Variants in GMDS observed in about 807,000 individuals in gnomAD.
GMDS encodes GDP-mannose 4,6 dehydratase.
GMDS carries 20 observed loss-of-function variants against 49.9 expected under a neutral mutation model. The ratio of observed to expected loss-of-function variants is 0.40; its 90% CI spans 0.28 to 0.58. GMDS has a LOEUF of 0.58. Among genes scored for constraint, GMDS ranks in the 20% least tolerant of loss-of-function variants. The pLI is 0.42. For synonymous variants in GMDS, 177 were observed against 178.6 expected (o/e 0.99, Z 0.07); for missense variants, 362 against 481.4 (o/e 0.75, Z 2.32).
chr6:1,941,600 A>G (rs1762827370), intron 6 of GMDS, among the ~76,000 whole-genome samples: 1 of 152,204 alleles, frequency 6.6e-6, no homozygotes, highest in African/African-American at 2.4e-5. Flanking sequence ...GACAAGGAGC[A>G]CAAACAGCTT....
intron 1 of GMDS, among the ~76,000 whole-genome samples, chr6:2,185,562 A>C (rs1339416303): frequency 6.6e-6 from 1 of 152,128 alleles, no homozygotes; most frequent in Non-Finnish European, 1.5e-5. Context: ...CAGCCATTTT[A>C]CTCATTTTCC....
chr6:2,101,495 A>G (rs1442952940), intron 4 of GMDS, among the ~76,000 whole-genome samples: 1 of 152,018 alleles, frequency 6.6e-6, no homozygotes, highest in East Asian at 1.9e-4. Context: ...ATCATCATGT[A>G]AGATGGTTCA....
chr6:1,898,475 CA>C (rs1469042099), intron 7 of GMDS, among the ~76,000 whole-genome samples: 1 of 152,134 alleles, frequency 6.6e-6, no homozygotes, highest in African/African-American at 2.4e-5. Flanking sequence ...TCCTAGGGTC[CA>C]ACCTCCTTTT....
In GMDS at chr6:2,177,129, G is replaced by C. The variant is rs549378944; in HGVS notation, c.103-52398C>G. ...CAGGAGGCATGTTTTCCTGTTCAGAGACTAAGAAGAAGGGGACCATTAAAC... is the reference window on the plus strand; with the variant it reads ...CAGGAGGCATGTTTTCCTGTTCAGACACTAAGAAGAAGGGGACCATTAAAC... On this transcript the variant is annotated intron_variant, in intron 1 of 10. Transcript: ENST00000380815. Among the ~76,000 whole-genome samples the C allele has an allele frequency of 2.8e-3, 421 of 152,276 alleles. 1 individual carries two copies. The highest frequency in any genetic ancestry group is 5.4e-3 in the Non-Finnish European group (365 of 68,018).
At chr6:2,060,269 CT>C (rs1235439593) in intron 4 of GMDS, among the ~76,000 whole-genome samples, 1 of 152,190 alleles carries the variant, frequency 6.6e-6, no homozygotes, top group Non-Finnish European at 1.5e-5. Flanking sequence ...TGCCTTGCTG[CT>C]TTGACTCCAG....
chr6:1,902,553 G>C (rs1180980384), intron 7 of GMDS, among the ~76,000 whole-genome samples: 4 of 152,086 alleles, frequency 2.6e-5, no homozygotes, highest in Non-Finnish European at 4.4e-5. Flanking sequence ...CTGGAAAATA[G>C]GTGAAATTCC....
chr6:1,728,295 T>C (rs1766663507), intron 8 of GMDS, among the ~76,000 whole-genome samples: 1 of 152,212 alleles, frequency 6.6e-6, no homozygotes, highest in South Asian at 2.1e-4. Context: ...TAAAAAAATT[T>C]TGGTTAGGCT....
At chr6:2,184,124 ATG>A (rs1778673798) in intron 1 of GMDS, among the ~76,000 whole-genome samples, 1 of 152,180 alleles carries the variant, frequency 6.6e-6, no homozygotes, top group Non-Finnish European at 1.5e-5. Context: ...TCTCAGAGGT[ATG>A]CCTGTATCAT....
intron 7 of GMDS, among the ~76,000 whole-genome samples, chr6:1,868,962 C>T (rs531084812): frequency 1.6e-4 from 24 of 152,280 alleles, no homozygotes; most frequent in Admixed American, 1.4e-3. Flanking sequence ...AATGTGAACA[C>T]GTACAAGTGA....
chr6:1,800,615 C>A (rs1561812970), intron 7 of GMDS, among the ~76,000 whole-genome samples: 1 of 134,460 alleles, frequency 7.4e-6, no homozygotes, highest in Non-Finnish European at 1.6e-5. Context: ...TTTTCTTTTT[C>A]TTTTTCTTTC....
intron 7 of GMDS, among the ~76,000 whole-genome samples, chr6:1,750,624 G>C (rs1767681013): frequency 6.6e-6 from 1 of 152,172 alleles, no homozygotes. Flanking sequence ...TATACCACCA[G>C]GGCCCTGGGT....
chr6:1,624,208 G>A lies in GMDS; in HGVS notation c.1080C>T (p.His360=), dbSNP rs1317867044. ...TTGTCCTCATGAGCTCCACGTCGGC[G>A]TGCACCATCTCCCTCACCAGCTCCT... ...AFDELVREMV[H]ADVELMRTNP... is the part of the protein sequence containing the mutation. Residue 360 remains histidine, a synonymous_variant, in exon 11 of 11, where the codon CAC becomes CAT. Transcript: ENST00000380815. 5 of 1,610,940 alleles carry A rather than the reference G, an allele frequency of 3.1e-6. No individual in the cohort carries two copies. The highest frequency in any genetic ancestry group is 1.3e-5 in the African/African-American group (1 of 74,924).
chr6:1,671,465 T>A (rs1205000009), intron 9 of GMDS, among the ~76,000 whole-genome samples: 1 of 152,012 alleles, frequency 6.6e-6, no homozygotes, highest in African/African-American at 2.4e-5. Flanking sequence ...AAAAGGCTAC[T>A]CTACTAAAGG....
At chr6:1,865,890 G>GA (rs1021138176) in intron 7 of GMDS, among the ~76,000 whole-genome samples, 151 of 151,182 alleles carry the variant, frequency 1.0e-3, no homozygotes, top group African/African-American at 3.5e-3. Flanking sequence ...TCCACAGGAA[G>GA]AAAAAAAAAT....
intron 6 of GMDS, among the ~76,000 whole-genome samples, chr6:1,943,927 A>C (rs1178225053): frequency 2.0e-5 from 3 of 152,266 alleles, no homozygotes; most frequent in African/African-American, 7.2e-5. Flanking sequence ...CTATGTAAGA[A>C]TGAAAAACAC....
chr6:1,886,792 C>T (rs1002694699), intron 7 of GMDS, among the ~76,000 whole-genome samples: 3 of 152,138 alleles, frequency 2.0e-5, no homozygotes, highest in Non-Finnish European at 4.4e-5. Flanking sequence ...TTTCCAGCAG[C>T]TCCAGGCTTT....
At chr6:1,844,868 C>T (rs1757318619) in intron 7 of GMDS, among the ~76,000 whole-genome samples, 1 of 152,140 alleles carries the variant, frequency 6.6e-6, no homozygotes. Flanking sequence ...AAATTAACGA[C>T]AGAGAGTTAC....
intron 1 of GMDS, among the ~76,000 whole-genome samples, chr6:2,241,754 G>A (rs1781625068): frequency 6.6e-6 from 1 of 152,198 alleles, no homozygotes; most frequent in Non-Finnish European, 1.5e-5. Context: ...GCAGATGCTG[G>A]TGCCATGCTT....
intron 7 of GMDS, among the ~76,000 whole-genome samples, chr6:1,780,373 C>A (rs1001318186): frequency 6.6e-6 from 1 of 152,192 alleles, no homozygotes; most frequent in Non-Finnish European, 1.5e-5. Flanking sequence ...AGAAGACACA[C>A]AGAATGTATT....
Sources: allele counts gnomAD v4.1 joint callset (sites outside exome capture counted in the v4.1 genomes callset), GRCh38; gene constraint gnomAD v4.1.1; transcripts MANE v1.5; gene names NCBI Gene and HGNC (gene_info 2026-07-23, HGNC 2026-07-21).